Variants in PTPRD observed in about 807,000 individuals in gnomAD.
PTPRD encodes protein tyrosine phosphatase receptor type D.
In PTPRD, 34 loss-of-function variants were observed where a neutral mutation model predicts 214.5. The ratio of observed to expected loss-of-function variants is 0.16; its 90% CI spans 0.12 to 0.21. The LOEUF (loss-of-function observed/expected upper bound fraction) is 0.21. Among genes scored for constraint, PTPRD ranks in the 10% least tolerant of loss-of-function variants. The pLI is 1.00. For missense variants in PTPRD, 2,545 were observed against 2,398.7 expected (o/e 1.06, Z -1.27); for synonymous variants, 1,128 against 845.7 (o/e 1.33, Z -5.79).
intron 3 of PTPRD, among the ~76,000 whole-genome samples, chr9:10,069,341 C>T (rs1325431120): frequency 3.3e-5 from 5 of 151,924 alleles, no homozygotes; most frequent in African/African-American, 1.2e-4. Context: ...CATTACAGTT[C>T]CAGGAGTGTG....
At chr9:8,841,684 GTACA>G (rs1395305338) in intron 11 of PTPRD, among the ~76,000 whole-genome samples, 2 of 118,766 alleles carry the variant, frequency 1.7e-5, no homozygotes, top group Admixed American at 2.0e-4. Flanking sequence ...AAAACTGGAG[GTACA>G]TACTTAGAGT....
chr9:8,780,908 A>G (rs1263076864), intron 11 of PTPRD, among the ~76,000 whole-genome samples: 3 of 152,230 alleles, frequency 2.0e-5, no homozygotes, highest in African/African-American at 7.2e-5. Flanking sequence ...TTCCTTCTGC[A>G]CATCACAGAT....
intron 10 of PTPRD, among the ~76,000 whole-genome samples, chr9:9,040,387 T>C (rs1269397555): frequency 6.6e-6 from 1 of 152,232 alleles, no homozygotes; most frequent in Non-Finnish European, 1.5e-5. Context: ...AGGTGTACTG[T>C]TGTTCTTTAG....
At chr9:9,116,315 C>T (rs1406514887) in intron 10 of PTPRD, among the ~76,000 whole-genome samples, 1 of 152,010 alleles carries the variant, frequency 6.6e-6, no homozygotes, top group East Asian at 1.9e-4. Flanking sequence ...ATGTCTTTTG[C>T]AGCAACTTGG....
intron 11 of PTPRD, among the ~76,000 whole-genome samples, chr9:9,016,551 G>C (rs1383452532): frequency 1.3e-5 from 2 of 152,098 alleles, no homozygotes; most frequent in African/African-American, 2.4e-5. Flanking sequence ...TATTCCATTA[G>C]AGGAATATAA....
chr9:10,136,729 A>G (rs1408979254), intron 3 of PTPRD, among the ~76,000 whole-genome samples: 3 of 81,530 alleles, frequency 3.7e-5, no homozygotes, highest in Non-Finnish European at 6.8e-5. Context: ...GAGCTTCTGC[A>G]CAGCAAAAGA....
rs2097185187 is a variant in PTPRD at position 9,687,451 on chromosome 9, C to G, written c.-287+47082G>C. Among the ~76,000 whole-genome samples the G allele has an allele frequency of 3.3e-5, 5 of 151,782 alleles. No homozygotes were observed. In the South Asian group the frequency reaches 1.0e-3, roughly 32 times the overall value. On this transcript the variant is annotated intron_variant, in intron 7 of 45. Transcript: ENST00000381196. ...ACAGCCTTGGACTGCCTATGGGAAA[C>G]TGATTCCCAAATGTCAGACACCAGT...
intron 5 of PTPRD, among the ~76,000 whole-genome samples, chr9:9,865,241 A>G (rs888380361): frequency 4.6e-5 from 7 of 152,194 alleles, no homozygotes; most frequent in Admixed American, 3.9e-4. Context: ...CTATTGTTTA[A>G]ACGTCCCTTC....
chr9:8,713,563 G>C (rs2098392016), intron 12 of PTPRD: 1 of 1,427,210 alleles, frequency 7.0e-7, no homozygotes, highest in African/African-American at 1.4e-5. Flanking sequence ...GCTGCGCTGT[G>C]ACTCCCGGAG....
rs554613037 is a variant in PTPRD at position 9,209,809 on chromosome 9, T to G, written c.-202-26446A>C. ...GTCTCAGATTTTACCTTACTTGCAATTAGTAAGTTAGCCTACCATGGTTTC... is the reference window on the plus strand; with the variant it reads ...GTCTCAGATTTTACCTTACTTGCAAGTAGTAAGTTAGCCTACCATGGTTTC... On this transcript the variant is annotated intron_variant, in intron 9 of 45. Transcript: ENST00000381196. 2.6e-5 allele frequency among the ~76,000 whole-genome samples: 4 copies of G among 152,306 alleles called. No individual in the cohort carries two copies. In the East Asian group the frequency reaches 7.7e-4, roughly 29 times the overall value.
chr9:9,558,821 C>A (rs538080827), intron 8 of PTPRD, among the ~76,000 whole-genome samples: 1 of 152,304 alleles, frequency 6.6e-6, no homozygotes, highest in South Asian at 2.1e-4. Flanking sequence ...TGCCCTATTA[C>A]GAATTCGGGG....
intron 10 of PTPRD, among the ~76,000 whole-genome samples, chr9:9,136,341 A>G (rs1011467875): frequency 6.6e-6 from 1 of 152,276 alleles, no homozygotes; most frequent in East Asian, 1.9e-4. Flanking sequence ...AGCATTCTAT[A>G]AAACATTTTT....
chr9:8,760,385 CT>C (rs1401611897), intron 11 of PTPRD, among the ~76,000 whole-genome samples: 2 of 152,078 alleles, frequency 1.3e-5, no homozygotes, highest in Admixed American at 6.6e-5. Context: ...ATTTCACTTA[CT>C]TTTGCTGCTA....
At chr9:9,257,880 A>G (rs549882763) in intron 9 of PTPRD, among the ~76,000 whole-genome samples, 6 of 152,092 alleles carry the variant, frequency 3.9e-5, no homozygotes, top group African/African-American at 1.4e-4. Flanking sequence ...AATTTTCCGA[A>G]CTAACCTTTT....
At chr9:8,800,868 A>C (rs1369977193) in intron 11 of PTPRD, among the ~76,000 whole-genome samples, 2 of 152,170 alleles carry the variant, frequency 1.3e-5, no homozygotes, top group African/African-American at 4.8e-5. Flanking sequence ...GAAATGGCCA[A>C]AAGACATTTC....
At chr9:8,505,076 C>T (rs1223461237) in intron 22 of PTPRD, among the ~76,000 whole-genome samples, 2 of 151,946 alleles carry the variant, frequency 1.3e-5, no homozygotes, top group African/African-American at 4.8e-5. Context: ...GAACCCACAG[C>T]CAGAAAAAAA....
chr9:8,925,480 AATTTC>A (rs1376024531), intron 11 of PTPRD, among the ~76,000 whole-genome samples: 3 of 151,950 alleles, frequency 2.0e-5, no homozygotes, highest in African/African-American at 7.2e-5. Context: ...ACAGGAAAAA[AATTTC>A]AATTCCCCGA....
At chr9:9,256,803 T>C (rs75042424) in intron 9 of PTPRD, among the ~76,000 whole-genome samples, 2,506 of 152,142 alleles carry the variant, frequency 0.016, 67 homozygotes, top group African/African-American at 0.056. Flanking sequence ...CCTCTCTGTC[T>C]ACCTGAGACC....
At chr9:8,726,273 A>T (rs1358525773) in intron 12 of PTPRD, among the ~76,000 whole-genome samples, 2 of 151,798 alleles carry the variant, frequency 1.3e-5, no homozygotes, top group African/African-American at 4.8e-5. Flanking sequence ...GGGGCTCCCA[A>T]CCAAGTCAAG....
Sources: allele counts gnomAD v4.1 joint callset (sites outside exome capture counted in the v4.1 genomes callset), GRCh38; gene constraint gnomAD v4.1.1; transcripts MANE v1.5; gene names NCBI Gene and HGNC (gene_info 2026-07-23, HGNC 2026-07-21).